KIAA0930: variants seen among roughly 807,000 people sequenced by gnomAD.
The protein encoded by KIAA0930 is uncharacterized protein KIAA0930.
A neutral mutation model predicts 43.9 loss-of-function variants in KIAA0930; 24 were observed. The observed-to-expected ratio is 0.55, with a 90% CI of 0.40 to 0.77. The LOEUF (loss-of-function observed/expected upper bound fraction) is 0.77, where lower values mean the gene tolerates loss of function less well. KIAA0930 is among the 30% of genes least tolerant of loss of function. The probability of loss-of-function intolerance (pLI) is 0.00; values close to 1 mark genes in which losing one functional copy is unlikely to be tolerated. For synonymous variants in KIAA0930, 259 were observed against 216.4 expected, an observed-to-expected ratio of 1.20 and a Z score of -1.73; for missense variants, 461 against 574.2, an observed-to-expected ratio of 0.80 and a Z score of 2.02.
chr22:45,231,945 C>T (rs1284818804), intron 1 of KIAA0930, among the ~76,000 whole-genome samples: 11 of 152,136 alleles, frequency 7.2e-5, no homozygotes, highest in African/African-American at 1.4e-4. Flanking sequence ...GAGCCGAGAT[C>T]GCGCCACTGC....
At chr22:45,201,546 C>T (rs1382245362) in intron 7 of KIAA0930, among the ~76,000 whole-genome samples, 2 of 152,216 alleles carry the variant, frequency 1.3e-5, no homozygotes, top group East Asian at 1.9e-4. Flanking sequence ...CTTTCACACA[C>T]ACATTTTGTC....
intron 8 of KIAA0930, 82 bp downstream of exon 8, chr22:45,199,791 T>C (rs1490833342): frequency 7.8e-7 from 1 of 1,284,114 alleles, no homozygotes. Context: ...AATGAATGAA[T>C]GAATAAATGA....
At chr22:45,204,426 C>T (rs985293949) in intron 5 of KIAA0930, among the ~76,000 whole-genome samples, 1 of 152,204 alleles carries the variant, frequency 6.6e-6, no homozygotes, top group African/African-American at 2.4e-5. Flanking sequence ...ATCCTGCCAC[C>T]TTCCCGAGTC....
chr22:45,217,234 G>A (rs1156697972), intron 1 of KIAA0930, among the ~76,000 whole-genome samples: 2 of 151,796 alleles, frequency 1.3e-5, no homozygotes, highest in Non-Finnish European at 2.9e-5. Flanking sequence ...GGTGGCGGGC[G>A]CCTGTAATCC....
At chr22:45,233,569 G>C (rs537919324) in intron 1 of KIAA0930, among the ~76,000 whole-genome samples, 2 of 152,170 alleles carry the variant, frequency 1.3e-5, no homozygotes, top group Non-Finnish European at 2.9e-5. Context: ...TTCTACTTCA[G>C]CTGCAGAACA....
Position 45,240,674 on chromosome 22 carries a change from G to T in KIAA0930, c.30C>A (p.Gly10=), listed in dbSNP as rs1394326663. The T allele has an allele frequency of 6.6e-7, 1 of 1,522,806 alleles. No individual in the cohort carries two copies. Among genetic ancestry groups the T allele is most frequent in the Non-Finnish European group, 8.8e-7 (1 of 1,141,462 alleles). 94.3% of individuals were successfully genotyped at this position (1,522,806 alleles called of 1,614,324 possible). MLRAIAEER[G]RLSLRREVCG... is the part of the protein sequence containing the mutation. ...AGACCTCGCGGCGCAGGCTAAGACG[G>T]CCGCGCTCCTCCGCTATGGCACGCA... Residue 10 remains glycine, a synonymous_variant, in exon 1 of 10, where the codon GGC becomes GGA. Transcript: ENST00000336156.
chr22:45,212,009 C>T lies in KIAA0930; in HGVS notation c.163G>A (p.Val55Met). ...CCGGAGTACGCCAGCTTCCGGCGCACATAGAAAAGCATGTCGTCCTGCCGG... is the reference window on the plus strand; with the variant it reads ...CCGGAGTACGCCAGCTTCCGGCGCATATAGAAAAGCATGTCGTCCTGCCGG... ...APRQDDMLFY[V>M]RRKLAYSGSE... Residue 55 changes from valine to methionine, a missense_variant, in exon 2 of 10, where the codon GTG becomes ATG. Val to Met is a conservative substitution (Grantham distance 21). Coordinates refer to ENST00000336156, the MANE Select transcript of KIAA0930 (RefSeq NM_001009880.2). 1 of 1,613,732 alleles carries T rather than the reference C, an allele frequency of 6.2e-7. No individual in the cohort carries two copies. Among genetic ancestry groups the T allele is most frequent in the Non-Finnish European group, 8.5e-7 (1 of 1,180,050 alleles).
At chr22:45,228,135 G>T (rs959901100) in intron 1 of KIAA0930, among the ~76,000 whole-genome samples, 2 of 152,126 alleles carry the variant, frequency 1.3e-5, no homozygotes, top group African/African-American at 4.8e-5. Flanking sequence ...GGGATGAGAG[G>T]GTTCGATTTC....
At chr22:45,219,556 T>C (rs543010717) in intron 1 of KIAA0930, among the ~76,000 whole-genome samples, 2 of 149,116 alleles carry the variant, frequency 1.3e-5, no homozygotes, top group African/African-American at 4.9e-5. Context: ...AAAAAGTACA[T>C]TAACACAGCA....
chr22:45,196,608 G>A lies in KIAA0930; in HGVS notation c.*568C>T, dbSNP rs1450811757. 6.5e-6 allele frequency: 1 copy of A among 152,778 alleles called. No homozygotes were observed. The highest frequency in any genetic ancestry group is 1.5e-5 in the Non-Finnish European group (1 of 68,156). The allele number at this position is 152,778 out of a possible 1,614,324, so 9.5% of individuals were successfully genotyped here. ...ACTGGGCGTGGGTGAGGTATTCCCA[G>A]CCCAGGGCAAAGCCATCAAACTTCT... On this transcript the variant is annotated 3_prime_UTR_variant, in exon 10 of 10. Coordinates refer to ENST00000336156, the MANE Select transcript of KIAA0930 (RefSeq NM_001009880.2). The surrounding 1 kb of genome is among the most constrained non-coding windows in gnomAD (Gnocchi z 4.1).
intron 1 of KIAA0930, among the ~76,000 whole-genome samples, chr22:45,239,857 C>T (rs1460440217): frequency 1.3e-5 from 2 of 152,104 alleles, no homozygotes; most frequent in South Asian, 2.1e-4. Context: ...AAATGACGAA[C>T]CTGAGACGAC....
chr22:45,198,192 ATC>A (rs2083554773), intron 8 of KIAA0930, among the ~76,000 whole-genome samples: 1 of 151,844 alleles, frequency 6.6e-6, no homozygotes, highest in Non-Finnish European at 1.5e-5. Context: ...CACCCCCCTC[ATC>A]TCTCTCTTCT....
At chr22:45,203,765 C>A in intron 6 of KIAA0930, 80 bp downstream of exon 6, 1 of 1,518,972 alleles carries the variant, frequency 6.6e-7, no homozygotes, top group Non-Finnish European at 8.9e-7. Context: ...CTGGGGGGCC[C>A]CATGGTATGG....
chr22:45,217,360 C>CAAA, intron 1 of KIAA0930, among the ~76,000 whole-genome samples: 1 of 68,738 alleles, frequency 1.5e-5, no homozygotes. Flanking sequence ...GACCCCGTCT[C>CAAA]AAAAAAAAAA....
At chr22:45,234,026 G>T (rs777021801) in intron 1 of KIAA0930, among the ~76,000 whole-genome samples, 3 of 152,236 alleles carry the variant, frequency 2.0e-5, no homozygotes, top group Non-Finnish European at 4.4e-5. Flanking sequence ...GGAGAGCCTG[G>T]ACTGGGGCTT....
In KIAA0930 at chr22:45,231,541, C is replaced by G. The variant is rs77460423; in HGVS notation, c.64+9099G>C. The stretch of plus-strand genomic sequence containing the variant: ...AGCCTGTACCTGCCTGCCACCACCC[C>G]CTCCCCAGGGAGGGCCAAGCTCCCA... On this transcript the variant is annotated intron_variant, in intron 1 of 9. Coordinates refer to ENST00000336156, the MANE Select transcript of KIAA0930 (RefSeq NM_001009880.2). Among the ~76,000 whole-genome samples, 786 of 152,154 alleles carry G rather than the reference C, an allele frequency of 5.2e-3. 4 individuals are homozygous for G. The highest frequency in any genetic ancestry group is 0.018 in the African/African-American group (740 of 41,486).
Position 45,217,778 on chromosome 22 carries a change from C to T in KIAA0930, c.65-5671G>A, listed in dbSNP as rs117497800. On this transcript the variant is annotated intron_variant, in intron 1 of 9. Coordinates refer to ENST00000336156, the MANE Select transcript of KIAA0930 (RefSeq NM_001009880.2). Reference sequence around the variant, plus strand: ...ATAAATTTCAGTGAGTAGGTGAATCCGTGAATAATGACAATGGCCTGGACC... The same window carrying T: ...ATAAATTTCAGTGAGTAGGTGAATCTGTGAATAATGACAATGGCCTGGACC... Among the ~76,000 whole-genome samples the T allele has an allele frequency of 1.6e-4, 24 of 152,284 alleles. No homozygotes were observed. In the East Asian group the frequency reaches 3.5e-3, roughly 22 times the overall value.
chr22:45,203,156 T>C lies in KIAA0930; in HGVS notation c.686A>G (p.Lys229Arg), dbSNP rs764746475. 1.2e-6 allele frequency: 2 copies of C among 1,610,860 alleles called. No individual in the cohort carries two copies. The highest frequency in any genetic ancestry group is 8.5e-7 in the Non-Finnish European group (1 of 1,178,302). The stretch of plus-strand genomic sequence containing the variant: ...GTACTTGTAGAAGCCAAACGACATC[T>C]TCTGTGCCATGCGGGCGGCCACGCT... ...RVSVAARMAQ[K>R]MSFGFYKYSN... is the part of the protein sequence containing the mutation. The change falls in exon 7 of 10, where the codon AAG (lysine) becomes AGG (arginine). Residue 229 changes from lysine (K) to arginine (R), a missense_variant. Transcript: ENST00000336156.
intron 1 of KIAA0930, among the ~76,000 whole-genome samples, chr22:45,231,446 G>A (rs575724310): frequency 8.6e-4 from 131 of 151,928 alleles, no homozygotes; most frequent in African/African-American, 3.0e-3. Flanking sequence ...AGGGATGTCT[G>A]GGCTTGTCCC....
Sources: gnomAD v4.1 joint callset for allele counts (sites outside exome capture counted in the v4.1 genomes callset) on GRCh38, gnomAD v4.1.1 for gene constraint, Gnocchi (gnomAD v3.1) non-coding constraint, MANE v1.5 for transcripts, NCBI Gene and HGNC (gene_info 2026-07-23, HGNC 2026-07-21) for gene names.